SLC23A2: variants seen among roughly 807,000 people sequenced by gnomAD.
SLC23A2 encodes Na(+)/L-ascorbic acid transporter 2.
In SLC23A2, 36 loss-of-function variants were observed where a neutral mutation model predicts 73.3. The observed-to-expected ratio is 0.49, with a 90% CI of 0.38 to 0.65. SLC23A2 has a LOEUF of 0.65. Ranked by LOEUF, SLC23A2 falls within the 30% of genes least tolerant of loss-of-function variation. The pLI is 0.00. For synonymous variants in SLC23A2, 343 were observed against 327.3 expected (o/e 1.05, Z -0.52); for missense variants, 507 against 841.6 (o/e 0.60, Z 4.92).
At chr20:5,002,521 C>T (rs1212281583), upstream of SLC23A2, among the ~76,000 whole-genome samples, 2 of 152,164 alleles carry the variant, frequency 1.3e-5, no homozygotes, top group African/African-American at 4.8e-5. Context: ...GAATTGTAGA[C>T]GGTGTCTGTC....
At chr20:5,010,050 A>G (rs1020157559) in intron 1 of SLC23A2, 1 of 150,392 alleles carries the variant, frequency 6.6e-6, no homozygotes, top group Non-Finnish European at 1.5e-5. Flanking sequence ...AGCCAAGATC[A>G]CGCCACTGCA....
intron 6 of SLC23A2, among the ~76,000 whole-genome samples, chr20:4,888,623 C>G (rs369115743): frequency 2.6e-5 from 4 of 152,212 alleles, no homozygotes; most frequent in Admixed American, 6.5e-5. Context: ...CCATGTCCAG[C>G]TTGGTGCCCA....
chr20:4,879,385 G>GTGATGGAGCGGGATCCTGT (rs1930787807), intron 9 of SLC23A2, among the ~76,000 whole-genome samples: 2 of 115,926 alleles, frequency 1.7e-5, no homozygotes, highest in South Asian at 2.8e-4. Flanking sequence ...TCCAGCCTGG[G>GTGATGGAGCGGGATCCTGT]CAACCAGAGT....
chr20:4,855,462 C>T lies in SLC23A2; in HGVS notation c.*1510G>A, dbSNP rs1451134856. The T allele has an allele frequency of 6.6e-6, 1 of 152,232 alleles. No individual in the cohort carries two copies. The highest frequency in any genetic ancestry group is 1.5e-5 in the Non-Finnish European group (1 of 68,054). 9.4% of individuals were successfully genotyped at this position (152,232 alleles called of 1,614,324 possible). ...TTCCTATCTCAGGCCTTTTCCTTCA[C>T]TGAAAAACTTCAAACCAAACCAAGA... On this transcript the variant is annotated 3_prime_UTR_variant, in exon 17 of 17. Transcript: ENST00000338244.
chr20:4,926,718 A>T (rs1356413218), intron 3 of SLC23A2, among the ~76,000 whole-genome samples: 1 of 151,984 alleles, frequency 6.6e-6, no homozygotes, highest in East Asian at 1.9e-4. Context: ...GGCCTGGCAC[A>T]TCTCTTGTTC....
chr20:4,866,122 C>T (rs1233433672), intron 13 of SLC23A2, among the ~76,000 whole-genome samples: 2 of 152,130 alleles, frequency 1.3e-5, no homozygotes, highest in African/African-American at 2.4e-5. Flanking sequence ...TGTGAGCCAC[C>T]GTACCCAGCC....
intron 1 of SLC23A2, among the ~76,000 whole-genome samples, chr20:4,981,602 AC>A (rs1345688606): frequency 6.6e-6 from 1 of 152,174 alleles, no homozygotes; most frequent in African/African-American, 2.4e-5. Flanking sequence ...TATTTTTCAA[AC>A]AACAGATAAT....
intron 2 of SLC23A2, among the ~76,000 whole-genome samples, chr20:4,957,398 G>A (rs558482312): frequency 9.8e-4 from 149 of 151,902 alleles, no homozygotes; most frequent in African/African-American, 3.5e-3. Flanking sequence ...GGAGTTCAAC[G>A]TTCAGTGAAC....
intron 2 of SLC23A2, among the ~76,000 whole-genome samples, chr20:4,961,295 A>G (rs566985952): frequency 3.3e-5 from 5 of 151,922 alleles, no homozygotes; most frequent in African/African-American, 7.2e-5. Context: ...GTTAGCCAGG[A>G]TGGTCTCGAT....
chr20:5,006,660 C>A (rs1486109327), intron 1 of SLC23A2, among the ~76,000 whole-genome samples: 2 of 151,770 alleles, frequency 1.3e-5, no homozygotes, highest in African/African-American at 4.8e-5. Flanking sequence ...CCTGCCTCAG[C>A]CTCCCAAATA....
chr20:4,943,792 G>A (rs183972824), intron 2 of SLC23A2, among the ~76,000 whole-genome samples: 1 of 152,280 alleles, frequency 6.6e-6, no homozygotes, highest in Admixed American at 6.5e-5. Context: ...ATCAAGAGGT[G>A]GACGGGTAAG....
rs530284362 is a variant in SLC23A2, at chr20:4,902,024, T to G, written c.324+418A>C. ...GTCAACAATTCCCATTCATCATTTG[T>G]TTTTTGAGACAGGGTCTCACTATGT... On this transcript the variant is annotated intron_variant, in intron 5 of 16. Transcript: ENST00000338244. The surrounding 1 kb of genome is among the most constrained non-coding windows in gnomAD (Gnocchi z 4.0). Among the ~76,000 whole-genome samples the G allele has an allele frequency of 1.3e-5, 2 of 152,332 alleles. No homozygotes were observed. Among genetic ancestry groups the G allele is most frequent in the East Asian group, 1.9e-4 (1 of 5,186 alleles).
At chr20:4,982,808 G>A (rs992668599) in intron 1 of SLC23A2, among the ~76,000 whole-genome samples, 10 of 151,902 alleles carry the variant, frequency 6.6e-5, no homozygotes, top group East Asian at 1.9e-4. Flanking sequence ...TGAGACAACC[G>A]AAAGTCCAAA....
intron 1 of SLC23A2, among the ~76,000 whole-genome samples, chr20:4,992,892 G>C (rs2087951243): frequency 6.6e-6 from 1 of 152,094 alleles, no homozygotes; most frequent in Non-Finnish European, 1.5e-5. Flanking sequence ...CACAGGTTGA[G>C]TATTCCTAAT....
In SLC23A2 at chr20:4,899,520, G is replaced by A. The variant is rs1239785691; in HGVS notation, c.482+35C>T. On this transcript the variant is annotated intron_variant, in intron 6 of 16. Coordinates refer to ENST00000338244, the MANE Select transcript of SLC23A2 (RefSeq NM_005116.6). The surrounding 1 kb of genome is among the most constrained non-coding windows in gnomAD (Gnocchi z 4.9). ...CCTTCTGCGCTCAATGCCTTCTGGG[G>A]GCTTTGGCATCCCCCATTAGTACCC... 1.2e-6 allele frequency: 2 copies of A among 1,604,992 alleles called. No homozygotes were observed. Among genetic ancestry groups the A allele is most frequent in the Admixed American group, 1.7e-5 (1 of 59,730 alleles).
At chr20:4,919,251 C>T (rs534409635) in intron 3 of SLC23A2, among the ~76,000 whole-genome samples, 1 of 152,324 alleles carries the variant, frequency 6.6e-6, no homozygotes, top group South Asian at 2.1e-4. Flanking sequence ...CGCAAAGCCT[C>T]TAATTTTGCT....
upstream of SLC23A2, among the ~76,000 whole-genome samples, chr20:5,002,133 G>A (rs1424729716): frequency 6.6e-6 from 1 of 152,162 alleles, no homozygotes; most frequent in East Asian, 1.9e-4. Flanking sequence ...GTCCCCAGGT[G>A]ATGCCCCCGG....
chr20:4,866,638 T>C (rs1930211537), intron 13 of SLC23A2, among the ~76,000 whole-genome samples: 1 of 152,218 alleles, frequency 6.6e-6, no homozygotes, highest in South Asian at 2.1e-4. Context: ...CCTGCCAACC[T>C]GGGGAAACCA....
At chr20:4,934,198 A>G (rs2122948249) in intron 2 of SLC23A2, among the ~76,000 whole-genome samples, 1 of 152,302 alleles carries the variant, frequency 6.6e-6, no homozygotes, top group East Asian at 1.9e-4. Flanking sequence ...ACATTCATTT[A>G]AAGCAGTGGT....
Sources: gnomAD v4.1 joint callset for allele counts (sites outside exome capture counted in the v4.1 genomes callset) on GRCh38, gnomAD v4.1.1 for gene constraint, Gnocchi (gnomAD v3.1) non-coding constraint, MANE v1.5 for transcripts, NCBI Gene and HGNC (gene_info 2026-07-23, HGNC 2026-07-21) for gene names.